The following GAGE1 variants were observed in gnomAD, a reference collection of about 807,000 sequenced individuals.
The protein encoded by GAGE1 is G antigen 1.
Under a neutral mutation model 5.0 loss-of-function variants are expected in GAGE1, and 5 were observed. The ratio of observed to expected loss-of-function variants is 1.00; its 90% CI spans 0.52 to 2.11. The LOEUF (loss-of-function observed/expected upper bound fraction) is 2.11, where lower values mean the gene tolerates loss of function less well. Among genes scored for constraint, GAGE1 ranks in the 30% most tolerant of loss-of-function variants. GAGE1 has a pLI of 0.01. For synonymous variants in GAGE1, 6 were observed against 14.8 expected (o/e 0.40, Z 1.37); for missense variants, 9 against 38.9 (o/e 0.23, Z 2.04).
At chrX:49,604,284 C>G (rs1415942726) in intron 4 of GAGE1, among the ~76,000 whole-genome samples, 15 of 112,685 alleles carry the variant, frequency 1.3e-4, no homozygotes, top group African/African-American at 3.5e-4. Context: ...GGGAAACAAG[C>G]TGAGTCAAAG....
At chrX:49,604,147 C>G (rs1403838555) in intron 4 of GAGE1, among the ~76,000 whole-genome samples, 1 of 112,749 alleles carries the variant, frequency 8.9e-6, no homozygotes, top group Non-Finnish European at 1.9e-5. Flanking sequence ...GCCACTGTGC[C>G]AGACCCAGCA....
chrX:49,605,087 G>A (rs782810077), intron 4 of GAGE1: 2 of 1,019,730 alleles, frequency 2.0e-6, no homozygotes, highest in Non-Finnish European at 1.3e-6. Context: ...GAAACCTTGA[G>A]TGACTGAAAT....
At chrX:49,605,862 T>G (rs1259385131) in intron 4 of GAGE1, 131 bp from the exon 5 acceptor site, 68 of 351,312 alleles carry the variant, frequency 1.9e-4, no homozygotes, top group African/African-American at 1.9e-3. Flanking sequence ...TGAACCAGAT[T>G]GCTCCACTGT....
chrX:49,605,985 TG>T lies in GAGE1; in HGVS notation c.332-7del. ...TGTAATGTTCCCAACTGTTTTGTTT[TG>T]TTTCAGGTGAAGGGCAATCACAGTG... On this transcript the variant is annotated splice_region_variant and splice_polypyrimidine_tract_variant and intron_variant, in intron 4 of 4. Transcript: ENST00000381700. 9.4e-7 allele frequency: 1 copy of T among 1,063,516 alleles called. No homozygotes were observed. The highest frequency in any genetic ancestry group is 1.2e-6 in the Non-Finnish European group (1 of 814,043). The allele number at this position is 1,063,516 out of a possible 1,213,427, so 87.6% of individuals were successfully genotyped here. A position where few individuals can be genotyped will look rare whatever the true frequency, so the allele number is the denominator to read the frequency against.
In GAGE1 at chrX:49,604,906, A is replaced by G. The variant is rs2066643783; in HGVS notation, c.332-1087A>G. On this transcript the variant is annotated intron_variant, in intron 4 of 4. Transcript: ENST00000381700. Reference sequence around the variant, plus strand: ...CACTGCAACCTCTGGCTCCCAGGCTAAAGCAGTCCTCCCACCTCAGCCTCC... The same window carrying G: ...CACTGCAACCTCTGGCTCCCAGGCTGAAGCAGTCCTCCCACCTCAGCCTCC... The G allele has an allele frequency of 1.3e-5, 4 of 318,945 alleles. No individual in the cohort carries two copies. In the East Asian group the frequency reaches 3.0e-4, roughly 24 times the overall value. The allele number at this position is 318,945 out of a possible 1,213,427, so 26.3% of individuals were successfully genotyped here.
rs2066666655 is a variant in GAGE1 at position 49,607,685 on chromosome X, C to T, written c.*1670C>T. 9.0e-6 allele frequency: 1 copy of T among 111,578 alleles called. No individual in the cohort carries two copies. The highest frequency in any genetic ancestry group is 1.9e-5 in the Non-Finnish European group (1 of 53,184). 9.2% of individuals were successfully genotyped at this position (111,578 alleles called of 1,213,427 possible). Reference sequence around the variant, plus strand: ...GTTCCTGTTTCTCTGCTGATATTAACTCTCTGTGCACAGAAAGTTAAACGT... The same window carrying T: ...GTTCCTGTTTCTCTGCTGATATTAATTCTCTGTGCACAGAAAGTTAAACGT... On this transcript the variant is annotated 3_prime_UTR_variant, in exon 5 of 5. Coordinates refer to ENST00000381700, the MANE Select transcript of GAGE1 (RefSeq NM_001040663.4).
rs782644616 is a variant in GAGE1, at chrX:49,605,998, G to A, written c.337G>A (p.Gly113Arg). The change falls in exon 5 of 5, where the codon GGG becomes AGG. Residue 113 changes from glycine (G) to arginine (R), a missense_variant. Physicochemically the swap from Gly to Arg is moderately radical, Grantham distance 125. Coordinates refer to ENST00000381700, the MANE Select transcript of GAGE1 (RefSeq NM_001040663.4). ...ACTGTTTTGTTTTGTTTCAGGTGAA[G>A]GGCAATCACAGTGTTAAAAGAAGAC... is the stretch of plus-strand genomic sequence containing the variant. ...EEVKTPEEGE[G>R]QSQC The A allele has an allele frequency of 3.0e-5, 32 of 1,072,746 alleles. No homozygotes were observed. The highest frequency in any genetic ancestry group is 2.8e-4 in the East Asian group (8 of 28,525). 88.4% of individuals were successfully genotyped at this position (1,072,746 alleles called of 1,213,427 possible). A position where few individuals can be genotyped will look rare whatever the true frequency, so the allele number is the denominator to read the frequency against.
chrX:49,604,814 G>A (rs2066642664), intron 4 of GAGE1, among the ~76,000 whole-genome samples: 1 of 111,610 alleles, frequency 9.0e-6, no homozygotes, highest in South Asian at 3.8e-4. Context: ...TTCTTGGTTT[G>A]TTTGTTTGTT....
rs1029904018 is a variant in GAGE1, at chrX:49,607,861, A to G, written c.*1846A>G. The G allele has an allele frequency of 1.8e-5, 2 of 111,453 alleles. No individual in the cohort carries two copies. The highest frequency in any genetic ancestry group is 3.3e-5 in the African/African-American group (1 of 30,633). 9.2% of individuals were successfully genotyped at this position (111,453 alleles called of 1,213,427 possible). ...TAAAATTCCTATTTACTGGATGTGT[A>G]CTATCTATGAATTACTTCTTTGTGC... is the stretch of plus-strand genomic sequence containing the variant. On this transcript the variant is annotated 3_prime_UTR_variant, in exon 5 of 5. Coordinates refer to ENST00000381700, the MANE Select transcript of GAGE1 (RefSeq NM_001040663.4).
chrX:49,605,256 T>C (rs1396899941), intron 4 of GAGE1: 6 of 627,017 alleles, frequency 9.6e-6, no homozygotes, highest in East Asian at 8.0e-5. Context: ...GACACACATA[T>C]GATATAATCA....
chrX:49,604,961 A>T, intron 4 of GAGE1: 2 of 722,015 alleles, frequency 2.8e-6, no homozygotes, highest in African/African-American at 2.2e-5. Flanking sequence ...GCACAAGCCA[A>T]CGTACCTGAG....
rs2066661471 is a variant in GAGE1 at position 49,606,670 on chromosome X, C to G, written c.*655C>G. 8.9e-6 allele frequency: 1 copy of G among 111,976 alleles called. No individual in the cohort carries two copies. The highest frequency in any genetic ancestry group is 9.5e-5 in the Admixed American group (1 of 10,519). The allele number at this position is 111,976 out of a possible 1,213,427, so 9.2% of individuals were successfully genotyped here. On this transcript the variant is annotated 3_prime_UTR_variant, in exon 5 of 5. Transcript: ENST00000381700. ...TTAGTGTACTTTTTTTGTAGATGGA[C>G]TTTTTCAGAGTAAGTCAAGCCATTC...
chrX:49,604,217 A>C (rs2066635766), intron 4 of GAGE1, among the ~76,000 whole-genome samples: 1 of 112,583 alleles, frequency 8.9e-6, no homozygotes, highest in Admixed American at 9.4e-5. Context: ...GTTCTTATAT[A>C]AAGGTTATTT....
In GAGE1 at chrX:49,608,419, T is replaced by C. The variant is rs2066670423; in HGVS notation, c.*2404T>C. 8.9e-6 allele frequency: 1 copy of C among 111,818 alleles called. No homozygotes were observed. The highest frequency in any genetic ancestry group is 9.6e-5 in the Admixed American group (1 of 10,452). The allele number at this position is 111,818 out of a possible 1,213,427, so 9.2% of individuals were successfully genotyped here. A position where few individuals can be genotyped will look rare whatever the true frequency, so the allele number is the denominator to read the frequency against. On this transcript the variant is annotated 3_prime_UTR_variant, in exon 5 of 5. Transcript: ENST00000381700. The stretch of plus-strand genomic sequence containing the variant: ...GAACCAAATCCCTTAAACTCTCCTA[T>C]AAAACTCCATAACCTGACCCCCTCA...
intron 4 of GAGE1, among the ~76,000 whole-genome samples, chrX:49,604,419 G>A (rs2066638383): frequency 8.9e-6 from 1 of 112,425 alleles, no homozygotes; most frequent in African/African-American, 3.2e-5. Context: ...CACTTGGTGT[G>A]AAAAATGCTG....
intron 4 of GAGE1, among the ~76,000 whole-genome samples, chrX:49,605,718 G>C (rs1452764476): frequency 9.0e-6 from 1 of 110,521 alleles, no homozygotes; most frequent in Non-Finnish European, 1.9e-5. Flanking sequence ...ATACCATCGT[G>C]GCTAACACGG....
chrX:49,605,022 A>C, intron 4 of GAGE1: 1 of 1,019,358 alleles, frequency 9.8e-7, no homozygotes, highest in Non-Finnish European at 1.3e-6. Context: ...TATGTTGCCC[A>C]GACTGGGATT....
At chrX:49,605,205 A>T in intron 4 of GAGE1, 1 of 838,291 alleles carries the variant, frequency 1.2e-6, no homozygotes. Context: ...TCCCTGCCCC[A>T]CTGTCAGTCT....
At chrX:49,605,808 C>T (rs1305255140) in intron 4 of GAGE1, among the ~76,000 whole-genome samples, 185 bp from the exon 5 acceptor site, 3 of 109,347 alleles carry the variant, frequency 2.7e-5, no homozygotes, top group Non-Finnish European at 5.7e-5. Context: ...ACTCAGGAGT[C>T]TGAGGTAGGA....
Sources: allele counts gnomAD v4.1 joint callset (sites outside exome capture counted in the v4.1 genomes callset), GRCh38; gene constraint gnomAD v4.1.1; transcripts MANE v1.5; gene names NCBI Gene and HGNC (gene_info 2026-07-23, HGNC 2026-07-21).